LCORL: variants seen among roughly 807,000 people sequenced by gnomAD.
The protein encoded by LCORL is ligand-dependent nuclear receptor corepressor-like protein.
In LCORL, 41 loss-of-function variants were observed where a neutral mutation model predicts 141.8. The ratio of observed to expected loss-of-function variants is 0.29; its 90% CI spans 0.23 to 0.38. LCORL has a LOEUF of 0.38. LCORL is among the 10% of genes least tolerant of loss of function. The pLI is 1.00. For synonymous variants in LCORL, 618 were observed against 694.1 expected, an observed-to-expected ratio of 0.89 and a Z score of 1.72; for missense variants, 1,759 against 2,035.0, an observed-to-expected ratio of 0.86 and a Z score of 2.61.
intron 1 of LCORL, among the ~76,000 whole-genome samples, chr4:18,015,008 AAAG>A (rs1479148428): frequency 3.3e-5 from 5 of 152,226 alleles, no homozygotes; most frequent in African/African-American, 1.2e-4. Flanking sequence ...ATACTACTAA[AAAG>A]AAAAGATAGA....
At chr4:17,889,710 G>C (rs1338219871) in intron 5 of LCORL, among the ~76,000 whole-genome samples, 1 of 151,846 alleles carries the variant, frequency 6.6e-6, no homozygotes, top group Non-Finnish European at 1.5e-5. Flanking sequence ...AGCCAGCTTG[G>C]GAAGGATAGA....
intron 7 of LCORL, among the ~76,000 whole-genome samples, chr4:17,870,907 G>C (rs1443455369): frequency 6.6e-6 from 1 of 152,022 alleles, no homozygotes; most frequent in Non-Finnish European, 1.5e-5. Flanking sequence ...ATTATATCTG[G>C]ACAGTTCATC....
chr4:17,880,393 T>C (rs1443120230), intron 6 of LCORL: 3 of 814,954 alleles, frequency 3.7e-6, no homozygotes, highest in South Asian at 5.6e-5. Context: ...TAAAATTGTA[T>C]TTTTTTTGTA....
chr4:17,953,749 T>C (rs965362570), intron 4 of LCORL, among the ~76,000 whole-genome samples: 1 of 152,208 alleles, frequency 6.6e-6, no homozygotes, highest in African/African-American at 2.4e-5. Context: ...GTGTTAATGG[T>C]GCCAGGTACT....
intron 1 of LCORL, among the ~76,000 whole-genome samples, chr4:17,979,007 T>G (rs2109707584): frequency 6.6e-6 from 1 of 152,352 alleles, no homozygotes; most frequent in Middle Eastern, 3.4e-3. Flanking sequence ...GTTGGCGTGC[T>G]GCACGCATTA....
intron 4 of LCORL, among the ~76,000 whole-genome samples, chr4:17,939,911 T>C (rs576370283): frequency 6.9e-6 from 1 of 145,650 alleles, no homozygotes; most frequent in Non-Finnish European, 1.5e-5. Context: ...TATATATACA[T>C]ATATGTACCT....
chr4:17,911,983 G>C, intron 4 of LCORL: 3 of 628,480 alleles, frequency 4.8e-6, no homozygotes, highest in Non-Finnish European at 9.1e-6. Context: ...CTCCTACCTG[G>C]ACAGAGTGAG....
intron 4 of LCORL, chr4:17,912,336 G>A (rs756318831): frequency 1.0e-5 from 7 of 670,788 alleles, no homozygotes; most frequent in Non-Finnish European, 2.0e-5. Flanking sequence ...TGCTCTTCAT[G>A]AAGAACCATG....
chr4:17,870,152 C>T (rs576022126), intron 7 of LCORL, among the ~76,000 whole-genome samples: 15 of 152,018 alleles, frequency 9.9e-5, no homozygotes, highest in Non-Finnish European at 2.9e-5. Context: ...TATGCTTGCT[C>T]TTTTTTAAAA....
At chr4:17,847,262 T>C (rs1723042973) in intron 7 of LCORL, among the ~76,000 whole-genome samples, 1 of 152,240 alleles carries the variant, frequency 6.6e-6, no homozygotes, top group Non-Finnish European at 1.5e-5. Flanking sequence ...TTCCTCCAAC[T>C]GTAGCTCTAC....
Position 17,944,904 on chromosome 4 carries a change from A to T in LCORL, c.430+16999T>A, listed in dbSNP as rs1418676307. On this transcript the variant is annotated intron_variant, in intron 4 of 7. Coordinates refer to ENST00000635767, the Ensembl canonical transcript of LCORL. ...GCTGGAAAGTCTACAGATAAACTTT[A>T]CAAAAACAGTATGAGCAGGCTGTGG... Among the ~76,000 whole-genome samples, 5 of 152,340 alleles carry T rather than the reference A, an allele frequency of 3.3e-5. 1 individual carries two copies. The highest frequency in any genetic ancestry group is 1.2e-4 in the African/African-American group (5 of 41,584).
At chr4:17,854,675 T>C (rs1460936760) in intron 7 of LCORL, among the ~76,000 whole-genome samples, 1 of 152,080 alleles carries the variant, frequency 6.6e-6, no homozygotes, top group Non-Finnish European at 1.5e-5. Flanking sequence ...TAGACTGCAA[T>C]TGCTTTTTTA....
chr4:17,920,600 T>C (rs765246530), intron 4 of LCORL, among the ~76,000 whole-genome samples: 10 of 152,226 alleles, frequency 6.6e-5, no homozygotes, highest in Non-Finnish European at 1.5e-4. Flanking sequence ...TGTGATGCTA[T>C]TTGATGGCAT....
At chr4:17,995,876 T>C (rs1316491655) in intron 1 of LCORL, among the ~76,000 whole-genome samples, 2 of 152,122 alleles carry the variant, frequency 1.3e-5, no homozygotes, top group African/African-American at 4.8e-5. Flanking sequence ...TGGTACTAGC[T>C]GTAGTAATTC....
At chr4:17,943,076 A>G (rs75960366) in intron 4 of LCORL, among the ~76,000 whole-genome samples, 4,891 of 152,302 alleles carry the variant, frequency 0.032, 109 homozygotes, top group African/African-American at 0.06. Flanking sequence ...GTCTTCTACG[A>G]AACCTGTCCC....
exon 8 of LCORL, chr4:17,841,872 C>G (rs1454347764): frequency 6.4e-6 from 1 of 155,114 alleles, no homozygotes; most frequent in African/African-American, 2.4e-5. Flanking sequence ...TATGTTTTAT[C>G]ACCTTCCAAG....
chr4:17,953,357 C>A (rs1413391978), intron 4 of LCORL, among the ~76,000 whole-genome samples: 2 of 152,194 alleles, frequency 1.3e-5, no homozygotes, highest in Non-Finnish European at 2.9e-5. Context: ...ACTTACACTC[C>A]CACCAGCAGT....
rs1031904822 is a variant in LCORL, at chr4:17,979,609, A to G, written c.155-6724T>C. Among the ~76,000 whole-genome samples, 9 of 152,312 alleles carry G rather than the reference A, an allele frequency of 5.9e-5. 1 individual carries two copies. The highest frequency in any genetic ancestry group is 5.2e-4 in the Admixed American group (8 of 15,290). ...TCATTTCAATACTTTTTCTTGAATAAGTCTGTTTCTGCAGTCTGATGCGTC... is the reference window on the plus strand; with the variant it reads ...TCATTTCAATACTTTTTCTTGAATAGGTCTGTTTCTGCAGTCTGATGCGTC... On this transcript the variant is annotated intron_variant, in intron 1 of 7. Coordinates refer to ENST00000635767, the Ensembl canonical transcript of LCORL.
At chr4:17,970,159 C>T (rs1043046274) in intron 2 of LCORL, among the ~76,000 whole-genome samples, 8 of 152,062 alleles carry the variant, frequency 5.3e-5, no homozygotes, top group East Asian at 1.9e-4. Flanking sequence ...TACCATAGTA[C>T]GGTGGAAAGT....
Sources: gnomAD v4.1 joint callset for allele counts (sites outside exome capture counted in the v4.1 genomes callset) on GRCh38, gnomAD v4.1.1 for gene constraint, MANE v1.5 for transcripts, NCBI Gene and HGNC (gene_info 2026-07-23, HGNC 2026-07-21) for gene names.